KIF2A: variants seen among roughly 807,000 people sequenced by gnomAD.
KIF2A encodes the protein kinesin family member 2A.
A neutral mutation model predicts 100.2 loss-of-function variants in KIF2A; 22 were observed. The observed-to-expected ratio is 0.22, with a 90% CI of 0.16 to 0.31. The LOEUF is 0.31. Ranked by LOEUF, KIF2A falls within the 10% of genes least tolerant of loss-of-function variation. KIF2A has a pLI of 1.00. For missense variants in KIF2A, 495 were observed against 898.7 expected (o/e 0.55, Z 5.74); for synonymous variants, 268 against 285.9 (o/e 0.94, Z 0.63).
intron 9 of KIF2A, among the ~76,000 whole-genome samples, chr5:62,358,766 GCTCAGGTGATCCT>G (rs530300134): frequency 5.3e-4 from 81 of 152,254 alleles, no homozygotes; most frequent in African/African-American, 1.9e-3. Flanking sequence ...GACCTTCCAG[GCTCAGGTGATCCT>G]CCCATCTCAG....
At chr5:62,374,935 T>A (rs898695857) in intron 18 of KIF2A, among the ~76,000 whole-genome samples, 25 of 152,156 alleles carry the variant, frequency 1.6e-4, no homozygotes, top group Admixed American at 2.6e-4. Flanking sequence ...TCAAAAAAAA[T>A]TTTTTAAAGC....
chr5:62,365,882 A>C (rs1219053312), intron 15 of KIF2A, among the ~76,000 whole-genome samples: 2 of 152,150 alleles, frequency 1.3e-5, no homozygotes, highest in Non-Finnish European at 2.9e-5. Flanking sequence ...CTAGGTCTGG[A>C]ATCAGCTAGG....
intron 19 of KIF2A, 38 bp from the exon 20 acceptor site, chr5:62,381,080 A>C (rs1158584788): frequency 6.5e-7 from 1 of 1,536,356 alleles, no homozygotes; most frequent in Admixed American, 1.8e-5. Context: ...CTGTTGCACA[A>C]AGATGCTTAT....
At chr5:62,364,448 G>A (rs993289131) in intron 14 of KIF2A, among the ~76,000 whole-genome samples, 2 of 152,002 alleles carry the variant, frequency 1.3e-5, no homozygotes, top group African/African-American at 4.8e-5. Flanking sequence ...GCCCGGCCCA[G>A]AGGGTCTTAA....
At chr5:62,340,163 C>T (rs1010385998) in intron 1 of KIF2A, among the ~76,000 whole-genome samples, 8 of 152,010 alleles carry the variant, frequency 5.3e-5, no homozygotes, top group Non-Finnish European at 8.8e-5. Context: ...TCTCAAACTC[C>T]TGATCTCTGG....
chr5:62,383,044 A>G (rs1268644098), intron 20 of KIF2A, among the ~76,000 whole-genome samples: 1 of 148,062 alleles, frequency 6.8e-6, no homozygotes, highest in Admixed American at 6.8e-5. Context: ...CTTCTGCCTC[A>G]GGCTTCTGAG....
At chr5:62,309,767 C>G (rs1745472311) in intron 1 of KIF2A, among the ~76,000 whole-genome samples, 2 of 152,152 alleles carry the variant, frequency 1.3e-5, no homozygotes, top group African/African-American at 4.8e-5. Context: ...TACTCTTACA[C>G]TAATAAACAT....
intron 18 of KIF2A, 105 bp downstream of exon 18, chr5:62,373,942 G>A: frequency 2.1e-6 from 2 of 943,870 alleles, no homozygotes; most frequent in Non-Finnish European, 3.2e-6. Context: ...TGTGGGTGTG[G>A]TGGCTCAAGC....
chr5:62,348,601 C>T (rs1378380718), intron 3 of KIF2A, among the ~76,000 whole-genome samples: 1 of 152,128 alleles, frequency 6.6e-6, no homozygotes, highest in African/African-American at 2.4e-5. Context: ...TAGTTCACTT[C>T]TATATTGACT....
At chr5:62,330,966 T>C (rs556779759) in intron 1 of KIF2A, among the ~76,000 whole-genome samples, 4 of 152,202 alleles carry the variant, frequency 2.6e-5, no homozygotes, top group Non-Finnish European at 5.9e-5. Context: ...ATTTGTTATA[T>C]TTTTAAATTT....
chr5:62,347,941 A>T, intron 2 of KIF2A, 107 bp from the exon 3 acceptor site: 2 of 1,224,472 alleles, frequency 1.6e-6, no homozygotes, highest in Non-Finnish European at 2.3e-6. Flanking sequence ...TGTATTCATT[A>T]GGCTAAAGTA....
intron 18 of KIF2A, among the ~76,000 whole-genome samples, chr5:62,374,747 T>G (rs563675476): frequency 6.6e-6 from 1 of 152,228 alleles, no homozygotes; most frequent in Admixed American, 6.5e-5. Flanking sequence ...CTGGCCAACA[T>G]GGTAAAACCT....
intron 1 of KIF2A, among the ~76,000 whole-genome samples, chr5:62,335,353 C>G (rs1382412469): frequency 6.6e-6 from 1 of 152,232 alleles, no homozygotes; most frequent in Non-Finnish European, 1.5e-5. Context: ...TCATCACCAT[C>G]CCTCTTCTTG....
intron 1 of KIF2A, among the ~76,000 whole-genome samples, chr5:62,328,049 C>T (rs1004477848): frequency 7.2e-5 from 11 of 152,196 alleles, no homozygotes; most frequent in Admixed American, 3.3e-4. Context: ...TCAGTGTATT[C>T]AGGAGAATAC....
chr5:62,346,855 T>C, intron 1 of KIF2A, among the ~76,000 whole-genome samples: 1 of 152,224 alleles, frequency 6.6e-6, no homozygotes. Context: ...ATTTCAGGCA[T>C]TGTATGTCAC....
intron 6 of KIF2A, among the ~76,000 whole-genome samples, chr5:62,353,832 G>A (rs936991209): frequency 6.6e-6 from 1 of 152,122 alleles, no homozygotes; most frequent in Admixed American, 6.5e-5. Context: ...CACATATGAA[G>A]AGTGGATCTC....
chr5:62,349,487 TC>T (rs1396573201), intron 3 of KIF2A, among the ~76,000 whole-genome samples: 1 of 152,114 alleles, frequency 6.6e-6, no homozygotes, highest in Non-Finnish European at 1.5e-5. Flanking sequence ...TTATTTGATA[TC>T]TTTTTTTGAG....
At chr5:62,355,788 A>T (rs551471596) in intron 7 of KIF2A, among the ~76,000 whole-genome samples, 11 of 149,318 alleles carry the variant, frequency 7.4e-5, no homozygotes, top group Non-Finnish European at 1.3e-4. Flanking sequence ...AATTCATTGG[A>T]CAGGGAGTGC....
At chr5:62,381,443 A>G (rs1409111837) in intron 20 of KIF2A, among the ~76,000 whole-genome samples, 190 bp downstream of exon 20, 2 of 152,240 alleles carry the variant, frequency 1.3e-5, no homozygotes, top group African/African-American at 4.8e-5. Context: ...TAGCATTTCA[A>G]GTTTTCTCTC....
Sources: gnomAD v4.1 joint callset for allele counts (sites outside exome capture counted in the v4.1 genomes callset) on GRCh38, gnomAD v4.1.1 for gene constraint, MANE v1.5 for transcripts, NCBI Gene and HGNC (gene_info 2026-07-23, HGNC 2026-07-21) for gene names.